Variants in ACOX1 observed in about 807,000 individuals in gnomAD.
The protein encoded by ACOX1 is acyl-CoA oxidase 1, also known as peroxisomal acyl-coenzyme A oxidase 1.
A neutral mutation model predicts 75.5 loss-of-function variants in ACOX1; 41 were observed. The observed-to-expected ratio is 0.54, with a 90% CI of 0.42 to 0.70. The LOEUF is 0.70. Ranked by LOEUF, ACOX1 falls within the 30% of genes least tolerant of loss-of-function variation. The probability of loss-of-function intolerance (pLI) is 0.00; values close to 1 mark genes in which losing one functional copy is unlikely to be tolerated. For missense variants in ACOX1, 630 were observed against 837.5 expected (o/e 0.75, Z 3.06); for synonymous variants, 303 against 298.8 (o/e 1.01, Z -0.15).
chr17:75,975,573 C>A (rs543778416), intron 2 of ACOX1, among the ~76,000 whole-genome samples: 23 of 152,306 alleles, frequency 1.5e-4, no homozygotes, highest in Non-Finnish European at 2.5e-4. Context: ...TTAATGTAAT[C>A]ATTATAGATT....
chr17:75,979,127 C>G lies in ACOX1; in HGVS notation c.-54G>C. 1 of 1,601,500 alleles carries G rather than the reference C, an allele frequency of 6.2e-7. No individual in the cohort carries two copies. Among genetic ancestry groups the G allele is most frequent in the Non-Finnish European group, 8.5e-7 (1 of 1,178,846 alleles). On this transcript the variant is annotated 5_prime_UTR_variant, in exon 1 of 14. Coordinates refer to ENST00000293217, the MANE Select transcript of ACOX1 (RefSeq NM_004035.7). ...CACCGACCGAGGTGGCAGTGACAAT[C>G]TAAATCCGCAGCTCCAGCGCCGGCC...
intron 6 of ACOX1, among the ~76,000 whole-genome samples, chr17:75,954,876 C>T (rs1420324024): frequency 7.2e-6 from 1 of 139,110 alleles, no homozygotes; most frequent in Non-Finnish European, 1.6e-5. Flanking sequence ...AGCCTTATTC[C>T]CTCCTTTTAT....
chr17:75,951,808 C>CTTTTTTT (rs1029666749), intron 7 of ACOX1, among the ~76,000 whole-genome samples: 278 of 77,454 alleles, frequency 3.6e-3, no homozygotes, highest in Non-Finnish European at 4.0e-3. Context: ...TAAATTGAGG[C>CTTTTTTT]TTTTTTTTTT....
At chr17:75,969,625 G>A (rs1250707535) in intron 2 of ACOX1, among the ~76,000 whole-genome samples, 1 of 152,162 alleles carries the variant, frequency 6.6e-6, no homozygotes, top group Non-Finnish European at 1.5e-5. Flanking sequence ...GAGGGCAACG[G>A]AGTGCGGTAA....
At chr17:75,951,819 T>TC (rs2144243456) in intron 7 of ACOX1, among the ~76,000 whole-genome samples, 1 of 143,002 alleles carries the variant, frequency 7.0e-6, no homozygotes, top group East Asian at 2.0e-4. Flanking sequence ...TTTTTTTTTT[T>TC]TTTTTTTTTT....
chr17:75,976,914 G>GA (rs1456816589), intron 2 of ACOX1, among the ~76,000 whole-genome samples: 5 of 144,946 alleles, frequency 3.4e-5, no homozygotes, highest in Non-Finnish European at 7.5e-5. Flanking sequence ...GAATAAATGA[G>GA]AAAAAAATGC....
intron 7 of ACOX1, chr17:75,953,213 T>C: frequency 2.4e-6 from 1 of 417,474 alleles, no homozygotes; most frequent in Non-Finnish European, 4.5e-6. Context: ...TTAAAAATAA[T>C]AAGGTGGGTA....
chr17:75,951,412 T>C lies in ACOX1; in HGVS notation c.1107+3A>G. 6.2e-7 allele frequency: 1 copy of C among 1,614,028 alleles called. No homozygotes were observed. Among genetic ancestry groups the C allele is most frequent in the Non-Finnish European group, 8.5e-7 (1 of 1,179,998 alleles). ...CCATGAGTGAATGAGACCAAACTCA[T>C]ACCTCAGGCAGTTCACTCAGGTCCC... On this transcript the variant is annotated splice_donor_region_variant and intron_variant, in intron 8 of 13. Transcript: ENST00000293217.
chr17:75,958,560 G>A (rs1359420254), intron 3 of ACOX1, among the ~76,000 whole-genome samples: 9 of 151,054 alleles, frequency 6.0e-5, no homozygotes, highest in Non-Finnish European at 1.2e-4. Flanking sequence ...TGTAATCCCA[G>A]CACTTTGGGG....
intron 4 of ACOX1, 32 bp from the exon 5 acceptor site, chr17:75,955,979 G>A (rs1169270835): frequency 1.9e-6 from 3 of 1,613,524 alleles, no homozygotes; most frequent in African/African-American, 2.7e-5. Flanking sequence ...GGGAGGGGTG[G>A]GCAAACGTTC....
chr17:75,951,080 ACATG>A (rs1305521083), intron 8 of ACOX1, 116 bp from the exon 9 acceptor site: 1 of 1,085,276 alleles, frequency 9.2e-7, no homozygotes, highest in Non-Finnish European at 1.4e-6. Flanking sequence ...CAGCTGCCAC[ACATG>A]CAAACTGAAG....
At chr17:75,959,539 T>C (rs1330965634) in intron 3 of ACOX1, among the ~76,000 whole-genome samples, 1 of 151,930 alleles carries the variant, frequency 6.6e-6, no homozygotes, top group Non-Finnish European at 1.5e-5. Context: ...ACGGACCCAA[T>C]TCAGAGAAGA....
Position 75,943,556 on chromosome 17 carries a change from C to T in ACOX1, c.*3192G>A, listed in dbSNP as rs1175118523. 2 of 152,132 alleles carry T rather than the reference C, an allele frequency of 1.3e-5. No individual in the cohort carries two copies. The highest frequency in any genetic ancestry group is 1.3e-4 in the Admixed American group (2 of 15,246). The allele number at this position is 152,132 out of a possible 1,614,324, so 9.4% of individuals were successfully genotyped here. On this transcript the variant is annotated 3_prime_UTR_variant, in exon 14 of 14. Coordinates refer to ENST00000293217, the MANE Select transcript of ACOX1 (RefSeq NM_004035.7). ...CATGGGGTGGAAAAAAAAGATCTAA[C>T]ATGTTAACTTTAGGAACTATAAAAT...
At chr17:75,953,395 G>C in intron 7 of ACOX1, 56 bp downstream of exon 7, 2 of 1,597,684 alleles carry the variant, frequency 1.3e-6, no homozygotes, top group Non-Finnish European at 1.7e-6. Context: ...TCTGGGATCT[G>C]AATGGGGTAA....
intron 3 of ACOX1, among the ~76,000 whole-genome samples, chr17:75,957,847 A>G (rs2065847678): frequency 1.3e-5 from 2 of 152,220 alleles, no homozygotes; most frequent in South Asian, 4.1e-4. Flanking sequence ...GAAAATATAA[A>G]GGCAACTTAG....
rs2066071107 is a variant in ACOX1 at position 75,978,021 on chromosome 17, C to T, written c.269+513G>A. Among the ~76,000 whole-genome samples, 1 of 152,308 alleles carries T rather than the reference C, an allele frequency of 6.6e-6. No homozygotes were observed. Among genetic ancestry groups the T allele is most frequent in the East Asian group, 1.9e-4 (1 of 5,188 alleles). ...CCATTTATTATCAGCATTCTACAAA[C>T]ACGTCATCCCACGAAAAGGCTTGGA... On this transcript the variant is annotated intron_variant, in intron 2 of 13. Transcript: ENST00000293217. The surrounding 1 kb of genome is among the most constrained non-coding windows in gnomAD (Gnocchi z 4.2).
At position 75,950,632 on chromosome 17, in the gene ACOX1, G is replaced by T; in HGVS notation, c.1298+142C>A. On this transcript the variant is annotated intron_variant, in intron 9 of 13. Coordinates refer to ENST00000293217, the MANE Select transcript of ACOX1 (RefSeq NM_004035.7). This position sits in a 1 kb window ranked among gnomAD's most constrained non-coding sequence, Gnocchi z 4.3. ...AGCCTCACCACGAAATAAAAACCGT[G>T]AGTCAGGATGGAAGGCAAAAGTATA... is the stretch of plus-strand genomic sequence containing the variant. 1.2e-6 allele frequency: 1 copy of T among 849,402 alleles called. No homozygotes were observed. Among genetic ancestry groups the T allele is most frequent in the Non-Finnish European group, 1.9e-6 (1 of 539,142 alleles). 52.6% of individuals were successfully genotyped at this position (849,402 alleles called of 1,614,324 possible).
At position 75,951,566 on chromosome 17, in the gene ACOX1, G is replaced by A; in HGVS notation, c.956C>T (p.Pro319Leu). Residue 319 changes from proline (P) to leucine (L), a missense_variant, in exon 8 of 14, where the codon CCA (proline) becomes CTA (leucine). Pro to Leu is a moderately conservative substitution (Grantham distance 98). Transcript: ENST00000293217. ...CTGGGTTTGAAAATCCAAAATCTGTGGTTCTGGTTCACTACGTGACATAGA... is the reference window on the plus strand; with the variant it reads ...CTGGGTTTGAAAATCCAAAATCTGTAGTTCTGGTTCACTACGTGACATAGA... ...QSEIKPGEPE[P>L]QILDFQTQQY... 6.2e-7 allele frequency: 1 copy of A among 1,614,040 alleles called. No individual in the cohort carries two copies. Among genetic ancestry groups the A allele is most frequent in the Non-Finnish European group, 8.5e-7 (1 of 1,179,988 alleles).
In ACOX1 at chr17:75,942,529, G is replaced by A. The variant is rs2065681965; in HGVS notation, c.*4219C>T. ...AGTGTGACTTGTTCTAATCCTCCAA[G>A]AATGGAGTAGTAAAGAAACAGCAGA... is the stretch of plus-strand genomic sequence containing the variant. On this transcript the variant is annotated 3_prime_UTR_variant, in exon 14 of 14. Coordinates refer to ENST00000293217, the MANE Select transcript of ACOX1 (RefSeq NM_004035.7). 6.7e-6 allele frequency: 1 copy of A among 149,742 alleles called. No homozygotes were observed. Among genetic ancestry groups the A allele is most frequent in the African/African-American group, 2.5e-5 (1 of 40,502 alleles). The allele number at this position is 149,742 out of a possible 1,614,324, so 9.3% of individuals were successfully genotyped here.
Sources: allele counts gnomAD v4.1 joint callset (sites outside exome capture counted in the v4.1 genomes callset), GRCh38; gene constraint gnomAD v4.1.1; non-coding constraint Gnocchi (gnomAD v3.1); transcripts MANE v1.5; gene names NCBI Gene and HGNC (gene_info 2026-07-23, HGNC 2026-07-21).